The following NECAB1 variants were observed in gnomAD, a reference collection of about 807,000 sequenced individuals.
NECAB1 encodes the protein N-terminal EF-hand calcium-binding protein 1.
In NECAB1, 29 loss-of-function variants were observed where a neutral mutation model predicts 57.5. The ratio of observed to expected loss-of-function variants is 0.50; its 90% confidence interval spans 0.38 to 0.69. The LOEUF is 0.69. Among genes scored for constraint, NECAB1 ranks in the 30% least tolerant of loss-of-function variants. The pLI is 0.00. For synonymous variants in NECAB1, 142 were observed against 147.7 expected (o/e 0.96, Z 0.28); for missense variants, 372 against 413.8 (o/e 0.90, Z 0.88).
chr8:90,853,219 C>T (rs1016979063), intron 3 of NECAB1, among the ~76,000 whole-genome samples: 15 of 152,258 alleles, frequency 9.9e-5, no homozygotes, highest in African/African-American at 3.6e-4. Context: ...GAGGTAACTC[C>T]TGCCAGTGCA....
chr8:90,885,622 T>A (rs1808962658), intron 5 of NECAB1, among the ~76,000 whole-genome samples: 1 of 152,224 alleles, frequency 6.6e-6, no homozygotes, highest in Non-Finnish European at 1.5e-5. Context: ...ATGAGGAAAC[T>A]GAGTCACAAT....
chr8:90,830,871 C>T (rs896767011), intron 3 of NECAB1, among the ~76,000 whole-genome samples: 2 of 151,950 alleles, frequency 1.3e-5, no homozygotes, highest in Non-Finnish European at 2.9e-5. Flanking sequence ...CCTCTTAGGC[C>T]CTACTTGAGA....
At chr8:90,859,809 A>G (rs563675176) in intron 3 of NECAB1, among the ~76,000 whole-genome samples, 5 of 152,218 alleles carry the variant, frequency 3.3e-5, no homozygotes, top group African/African-American at 1.2e-4. Context: ...TGTAATAAAT[A>G]TATATTTAAT....
At chr8:90,800,698 A>G (rs1005856788) in intron 1 of NECAB1, among the ~76,000 whole-genome samples, 3 of 152,188 alleles carry the variant, frequency 2.0e-5, no homozygotes, top group African/African-American at 7.2e-5. Flanking sequence ...CATTGCCTAT[A>G]TATTCCTAGG....
chr8:90,941,702 C>G (rs987080773), intron 10 of NECAB1, among the ~76,000 whole-genome samples: 9 of 152,196 alleles, frequency 5.9e-5, no homozygotes, highest in Non-Finnish European at 1.2e-4. Context: ...CATCTAAACA[C>G]TCTGCCTCGG....
chr8:90,798,341 G>T (rs1811697617), intron 1 of NECAB1, among the ~76,000 whole-genome samples: 1 of 152,188 alleles, frequency 6.6e-6, no homozygotes, highest in Non-Finnish European at 1.5e-5. Context: ...GTGCAGGTTT[G>T]TTACGTGGGT....
intron 4 of NECAB1, among the ~76,000 whole-genome samples, chr8:90,879,890 T>C (rs1808806388): frequency 6.6e-6 from 1 of 152,216 alleles, no homozygotes; most frequent in African/African-American, 2.4e-5. Flanking sequence ...GAATGCATTT[T>C]ACTTTTTGTC....
chr8:90,846,376 C>G (rs922455669), intron 3 of NECAB1, among the ~76,000 whole-genome samples: 2 of 152,106 alleles, frequency 1.3e-5, no homozygotes, highest in African/African-American at 4.8e-5. Context: ...CAAGTAGAAA[C>G]AGAAAATAAC....
intron 2 of NECAB1, among the ~76,000 whole-genome samples, chr8:90,807,185 C>T (rs1679583120): frequency 6.6e-6 from 1 of 152,098 alleles, no homozygotes; most frequent in Non-Finnish European, 1.5e-5. Flanking sequence ...GAATGAATGA[C>T]TAATACACCT....
intron 11 of NECAB1, 120 bp from the exon 12 acceptor site, chr8:90,950,993 A>G: frequency 4.3e-6 from 2 of 459,842 alleles, no homozygotes; most frequent in Non-Finnish European, 7.6e-6. Context: ...GCTTGTATCC[A>G]GGAGCTTATT....
chr8:90,915,961 T>C (rs1809941347), intron 5 of NECAB1, among the ~76,000 whole-genome samples: 1 of 152,264 alleles, frequency 6.6e-6, no homozygotes, highest in South Asian at 2.1e-4. Flanking sequence ...CTAGCCATTC[T>C]GGCAGCTGTA....
intron 12 of NECAB1, among the ~76,000 whole-genome samples, chr8:90,951,808 T>G (rs930013316): frequency 2.0e-5 from 3 of 151,954 alleles, no homozygotes; most frequent in African/African-American, 7.2e-5. Context: ...CTGTCACCAT[T>G]AGAGATAATA....
Position 90,955,687 on chromosome 8 carries a change from A to C in NECAB1, c.*175A>C. The C allele has an allele frequency of 2.1e-6, 1 of 482,732 alleles. No homozygotes were observed. Among genetic ancestry groups the C allele is most frequent in the Non-Finnish European group, 3.6e-6 (1 of 277,096 alleles). The allele number at this position is 482,732 out of a possible 1,614,324, so 29.9% of individuals were successfully genotyped here. ...AACTTTATCAATTCATGTGAATTTT[A>C]GCTCAATTTTCAAAGTTCACTAATA... On this transcript the variant is annotated 3_prime_UTR_variant, in exon 13 of 13. Transcript: ENST00000417640.
chr8:90,804,823 G>A lies in NECAB1; in HGVS notation c.124+3108G>A, dbSNP rs760933959. On this transcript the variant is annotated intron_variant, in intron 2 of 12. Coordinates refer to ENST00000417640, the MANE Select transcript of NECAB1 (RefSeq NM_022351.5). ...CAGTTTGGGTTTAAACCACAAGTAT[G>A]CCACCTAGGAACCTTATAAAGAGCA... 1.5e-4 allele frequency among the ~76,000 whole-genome samples: 23 copies of A among 152,258 alleles called. No homozygotes were observed. The Middle Eastern group carries it at 0.014, about 90-fold the overall frequency.
At chr8:90,936,167 C>T (rs2130218377) in intron 9 of NECAB1, among the ~76,000 whole-genome samples, 1 of 152,160 alleles carries the variant, frequency 6.6e-6, no homozygotes, top group East Asian at 1.9e-4. Context: ...TGCTCTAGTG[C>T]TCATAATTCC....
intron 10 of NECAB1, among the ~76,000 whole-genome samples, chr8:90,945,982 A>G (rs1563545390): frequency 6.6e-6 from 1 of 152,234 alleles, no homozygotes; most frequent in Non-Finnish European, 1.5e-5. Context: ...GCAGTTTTAC[A>G]TTTACAAATA....
chr8:90,937,582 G>A (rs1352046004), intron 9 of NECAB1, among the ~76,000 whole-genome samples: 8 of 152,120 alleles, frequency 5.3e-5, no homozygotes, highest in Non-Finnish European at 1.2e-4. Flanking sequence ...TTTATAACAA[G>A]CATATTATAA....
At chr8:90,809,385 C>A (rs894174724) in intron 2 of NECAB1, among the ~76,000 whole-genome samples, 8 of 152,188 alleles carry the variant, frequency 5.3e-5, no homozygotes, top group Non-Finnish European at 1.0e-4. Context: ...AAACCTTCAA[C>A]CCTAATTAAA....
chr8:90,940,828 G>A lies in NECAB1; in HGVS notation c.790G>A (p.Asp264Asn), dbSNP rs779270826. 6.4e-7 allele frequency: 1 copy of A among 1,564,476 alleles called. No homozygotes were observed. The highest frequency in any genetic ancestry group is 1.2e-5 in the South Asian group (1 of 84,710). The change falls in exon 10 of 13, where the codon GAC (aspartate) becomes AAC (asparagine). Residue 264 changes from aspartate (D) to asparagine (N), a missense_variant. Physicochemically the swap from Asp to Asn is conservative, Grantham distance 23. Transcript: ENST00000417640. ...VQRQMSVIEEDLEEFQLALKH... is the reference protein window; with the variant it reads ...VQRQMSVIEENLEEFQLALKH... ...GCGGCAGATGTCTGTGATAGAAGAGGACCTGGAAGAATTCCAGCTCGCTCT... is the reference window on the plus strand; with the variant it reads ...GCGGCAGATGTCTGTGATAGAAGAGAACCTGGAAGAATTCCAGCTCGCTCT...
Sources: gnomAD v4.1 joint callset for allele counts (sites outside exome capture counted in the v4.1 genomes callset) on GRCh38, gnomAD v4.1.1 for gene constraint, MANE v1.5 for transcripts, NCBI Gene and HGNC (gene_info 2026-07-23, HGNC 2026-07-21) for gene names.